Variants in TSBP1 observed in about 807,000 individuals in gnomAD.
The protein encoded by TSBP1 is testis expressed basic protein 1.
In TSBP1, 56 loss-of-function variants were observed where a neutral mutation model predicts 68.8. That is an observed-to-expected ratio of 0.81 (90% CI 0.66 to 1.02). The LOEUF is 1.02. Among genes scored for constraint, TSBP1 ranks in the 50% least tolerant of loss-of-function variants. The pLI, the probability that TSBP1 is intolerant of heterozygous loss-of-function variation, is 0.00. For missense variants in TSBP1, 502 were observed against 641.2 expected (o/e 0.78, Z 2.34); for synonymous variants, 171 against 208.7 (o/e 0.82, Z 1.56).
chr6:32,292,907 TG>T lies in TSBP1; in HGVS notation c.*73del. 1.1e-6 allele frequency: 1 copy of T among 870,778 alleles called. No homozygotes were observed. The highest frequency in any genetic ancestry group is 1.8e-6 in the Non-Finnish European group (1 of 550,052). 53.9% of individuals were successfully genotyped at this position (870,778 alleles called of 1,614,324 possible). A position where few individuals can be genotyped will look rare whatever the true frequency, so the allele number is the denominator to read the frequency against. On this transcript the variant is annotated 3_prime_UTR_variant, in exon 23 of 23. Coordinates refer to ENST00000612031, the Ensembl canonical transcript of TSBP1. The surrounding 1 kb of genome is among the most constrained non-coding windows in gnomAD (Gnocchi z 4.1). ...AATTGTAATCTGTTTAGGCAATGGC[TG>T]GGATATGGTTTGTATCTGGAGTATG...
intron 9 of TSBP1, among the ~76,000 whole-genome samples, chr6:32,344,556 C>T (rs912648786): frequency 6.6e-6 from 1 of 151,992 alleles, no homozygotes; most frequent in Admixed American, 6.6e-5. Context: ...GTGCTAGATA[C>T]CCACATCTCT....
intron 9 of TSBP1, among the ~76,000 whole-genome samples, chr6:32,342,538 A>C (rs1291513116): frequency 6.6e-6 from 1 of 152,200 alleles, no homozygotes; most frequent in Non-Finnish European, 1.5e-5. Context: ...ATGAGAGATT[A>C]AATAACTTGC....
chr6:32,323,718 A>G, intron 16 of TSBP1, 104 bp from the exon 18 acceptor site: 4 of 975,160 alleles, frequency 4.1e-6, no homozygotes, highest in Non-Finnish European at 6.3e-6. Flanking sequence ...AATAGGGAAA[A>G]CTTTCCCTTT....
chr6:32,340,008 A>G lies in TSBP1; in HGVS notation c.350-370T>C, dbSNP rs117794021. On this transcript the variant is annotated intron_variant, in intron 9 of 22. Coordinates refer to ENST00000612031, the Ensembl canonical transcript of TSBP1. The surrounding 1 kb of genome is among the most constrained non-coding windows in gnomAD (Gnocchi z 4.8). ...AAACACTTCGGCAAAGTAGTAAGCTACTTTATATTTTACTTTTTTCTGCTT... is the reference window on the plus strand; with the variant it reads ...AAACACTTCGGCAAAGTAGTAAGCTGCTTTATATTTTACTTTTTTCTGCTT... Among the ~76,000 whole-genome samples the G allele has an allele frequency of 0.011, 1,746 of 152,322 alleles. 25 individuals are homozygous for G. The highest frequency in any genetic ancestry group is 0.033 in the South Asian group (157 of 4,830).
intron 17 of TSBP1, 115 bp from the exon 19 acceptor site, chr6:32,323,252 A>T: frequency 1.4e-6 from 1 of 707,128 alleles, no homozygotes; most frequent in Non-Finnish European, 2.5e-6. Context: ...CTAAATTATG[A>T]TTCTATGACT....
chr6:32,293,755 G>T, exon 23 of TSBP1: 1 of 1,612,694 alleles, frequency 6.2e-7, no homozygotes, highest in Non-Finnish European at 8.5e-7. Flanking sequence ...TTTTTAGTTG[G>T]GTTTCCTGTC....
chr6:32,320,362 G>A (rs1162457410), intron 18 of TSBP1, among the ~76,000 whole-genome samples: 1 of 152,086 alleles, frequency 6.6e-6, no homozygotes, highest in African/African-American at 2.4e-5. Context: ...GGGCAGATGG[G>A]TGAAGATATT....
intron 16 of TSBP1, chr6:32,324,505 T>C (rs1767997635): frequency 2.0e-6 from 2 of 989,928 alleles, no homozygotes; most frequent in Non-Finnish European, 3.1e-6. Context: ...CAGTACATCA[T>C]GAATAATGCA....
At chr6:32,349,860 A>T in intron 8 of TSBP1, 100 bp from the exon 9 acceptor site, 1 of 1,298,690 alleles carries the variant, frequency 7.7e-7, no homozygotes, top group Non-Finnish European at 1.1e-6. Flanking sequence ...GGAAAAGAGG[A>T]TAGAAATGAG....
At chr6:32,301,520 G>T (rs903669706) in intron 20 of TSBP1, among the ~76,000 whole-genome samples, 1 of 151,444 alleles carries the variant, frequency 6.6e-6, no homozygotes, top group Non-Finnish European at 1.5e-5. Flanking sequence ...TTCAAGACCA[G>T]CCTGGGCAAC....
At chr6:32,313,490 A>G (rs1435912377) in intron 19 of TSBP1, among the ~76,000 whole-genome samples, 2 of 151,778 alleles carry the variant, frequency 1.3e-5, no homozygotes, top group Non-Finnish European at 2.9e-5. Flanking sequence ...CAATGCTGTT[A>G]GGTTTCTTAT....
At chr6:32,334,333 A>T (rs1280246224) in intron 14 of TSBP1, among the ~76,000 whole-genome samples, 3 of 151,580 alleles carry the variant, frequency 2.0e-5, no homozygotes, top group South Asian at 2.1e-4. Flanking sequence ...TATTTGTGTT[A>T]CTCATTCTCT....
chr6:32,302,653 G>T lies in TSBP1; in HGVS notation c.581-24C>A. 1.3e-6 allele frequency: 2 copies of T among 1,531,316 alleles called. No individual in the cohort carries two copies. Among genetic ancestry groups the T allele is most frequent in the Non-Finnish European group, 1.8e-6 (2 of 1,137,890 alleles). 94.9% of individuals were successfully genotyped at this position (1,531,316 alleles called of 1,614,324 possible). ...TCCTGAAAATCAAAACAAGAAAATA[G>T]GTTAATGGCAGCATTTTTGGAACAG... On this transcript the variant is annotated intron_variant, in intron 19 of 22. Transcript: ENST00000612031. This position sits in a 1 kb window ranked among gnomAD's most constrained non-coding sequence, Gnocchi z 5.1.
chr6:32,371,124 A>T (rs2050191), intron 1 of TSBP1, among the ~76,000 whole-genome samples: 117,497 of 152,110 alleles, frequency 0.77, 45,713 homozygotes, highest in South Asian at 0.93. Context: ...GAGATTTTCT[A>T]CTAATGTACC....
intron 19 of TSBP1, among the ~76,000 whole-genome samples, chr6:32,310,761 A>ATATATATATATTTTTTTTTTT: frequency 1.4e-5 from 2 of 144,804 alleles, no homozygotes; most frequent in South Asian, 2.2e-4. Context: ...ATATATATAT[A>ATATATATATATTTTTTTTTTT]TTTTTAATCT....
rs9268170 is a variant in TSBP1, at chr6:32,304,934, A to G, written c.581-2305T>C. On this transcript the variant is annotated intron_variant, in intron 19 of 22. Coordinates refer to ENST00000612031, the Ensembl canonical transcript of TSBP1. The surrounding 1 kb of genome is among the most constrained non-coding windows in gnomAD (Gnocchi z 4.8). ...ATATCTGTTCTCTTCTTCACCATTC[A>G]TTGTATTCTCCTTCTAGATTTCCAT... 0.21 allele frequency among the ~76,000 whole-genome samples: 31,924 copies of G among 151,782 alleles called. 3,515 individuals carry two copies. Among genetic ancestry groups the G allele is most frequent in the East Asian group, 0.22 (1,154 of 5,174 alleles).
chr6:32,367,888 C>A, intron 4 of TSBP1, 37 bp downstream of exon 4: 2 of 1,490,694 alleles, frequency 1.3e-6, no homozygotes, highest in Non-Finnish European at 1.9e-6. Context: ...AGAGTATATT[C>A]CTTCATTAAC....
At chr6:32,347,677 G>A (rs1014642589) in intron 9 of TSBP1, among the ~76,000 whole-genome samples, 1 of 128,308 alleles carries the variant, frequency 7.8e-6, no homozygotes, top group Admixed American at 7.9e-5. Flanking sequence ...GGCTTATTGT[G>A]GTGCTCAGAA....
intron 14 of TSBP1, among the ~76,000 whole-genome samples, chr6:32,334,692 T>C (rs1355108299): frequency 1.3e-5 from 2 of 152,202 alleles, no homozygotes; most frequent in African/African-American, 2.4e-5. Flanking sequence ...TAAAAGTTGC[T>C]GAAAATAGAG....
Sources: allele counts gnomAD v4.1 joint callset (sites outside exome capture counted in the v4.1 genomes callset), GRCh38; gene constraint gnomAD v4.1.1; non-coding constraint Gnocchi (gnomAD v3.1); transcripts MANE v1.5; gene names NCBI Gene and HGNC (gene_info 2026-07-23, HGNC 2026-07-21).